Variants in MED13L observed in about 807,000 individuals in gnomAD.
The protein encoded by MED13L is mediator of RNA polymerase II transcription subunit 13-like.
Under a neutral mutation model 220.9 loss-of-function variants are expected in MED13L, and 7 were observed. That is an observed-to-expected ratio of 0.03 (90% CI 0.02 to 0.06). The LOEUF (loss-of-function observed/expected upper bound fraction) is 0.06, where lower values mean the gene tolerates loss of function less well. Among genes scored for constraint, MED13L ranks in the 10% least tolerant of loss-of-function variants. The pLI is 1.00. For missense variants in MED13L, 1,965 were observed against 2,760.5 expected, an observed-to-expected ratio of 0.71 and a Z score of 6.46; for synonymous variants, 1,011 against 1,015.2, an observed-to-expected ratio of 1.00 and a Z score of 0.08.
At chr12:116,092,155 GCAC>G (rs1212935807) in intron 4 of MED13L, among the ~76,000 whole-genome samples, 2 of 152,250 alleles carry the variant, frequency 1.3e-5, no homozygotes, top group African/African-American at 4.8e-5. Flanking sequence ...TAACAGATAG[GCAC>G]CACATGTGCA....
chr12:116,273,647 G>A (rs1251338740), intron 1 of MED13L, among the ~76,000 whole-genome samples: 4 of 152,132 alleles, frequency 2.6e-5, no homozygotes, highest in Non-Finnish European at 5.9e-5. Context: ...GTACTAATGG[G>A]TGTACTAGTG....
intron 1 of MED13L, among the ~76,000 whole-genome samples, chr12:116,261,302 C>T (rs1872496675): frequency 6.6e-6 from 1 of 152,096 alleles, no homozygotes. Flanking sequence ...TCAAGACCAG[C>T]ATGGGCAACA....
At chr12:116,131,714 C>T (rs1248452236) in intron 2 of MED13L, among the ~76,000 whole-genome samples, 1 of 152,218 alleles carries the variant, frequency 6.6e-6, no homozygotes, top group East Asian at 1.9e-4. Flanking sequence ...CAAGGCTGGG[C>T]ACACCTGTAA....
At chr12:116,047,371 G>C (rs547680142) in intron 4 of MED13L, among the ~76,000 whole-genome samples, 1 of 152,140 alleles carries the variant, frequency 6.6e-6, no homozygotes, top group East Asian at 1.9e-4. Context: ...AAATAAACAA[G>C]AAATAAAGAC....
intron 2 of MED13L, among the ~76,000 whole-genome samples, chr12:116,152,839 T>C (rs1018648895): frequency 5.9e-5 from 9 of 152,168 alleles, no homozygotes; most frequent in Admixed American, 1.3e-4. Context: ...TATTATAAAA[T>C]ATTAACTAGT....
At position 115,984,113 on chromosome 12, in the gene MED13L, G is replaced by C. The variant is rs1328526827; in HGVS notation, c.4531+67C>G. On this transcript the variant is annotated intron_variant, in intron 20 of 30. Coordinates refer to ENST00000281928, the MANE Select transcript of MED13L (RefSeq NM_015335.5). ...GAAATATAATGTTGCATCTATAAAA[G>C]AAGGGATGGGACGGATTTGCTATTT... 4.0e-6 allele frequency: 6 copies of C among 1,493,334 alleles called. No homozygotes were observed. In the Admixed American group the frequency reaches 1.1e-4, roughly 26 times the overall value. 92.5% of individuals were successfully genotyped at this position (1,493,334 alleles called of 1,614,324 possible).
At chr12:116,157,405 C>G (rs1878521234) in intron 2 of MED13L, among the ~76,000 whole-genome samples, 2 of 152,132 alleles carry the variant, frequency 1.3e-5, no homozygotes, top group Admixed American at 1.3e-4. Flanking sequence ...TACTATGTAT[C>G]TGAAAAACAG....
At chr12:116,006,726 G>C in intron 11 of MED13L, 1 of 410,658 alleles carries the variant, frequency 2.4e-6, no homozygotes, top group Non-Finnish European at 4.5e-6. Context: ...CAACATTTTA[G>C]ATGCTAAATT....
At chr12:116,084,637 T>C (rs962052495) in intron 4 of MED13L, among the ~76,000 whole-genome samples, 1 of 152,072 alleles carries the variant, frequency 6.6e-6, no homozygotes, top group African/African-American at 2.4e-5. Flanking sequence ...ATACAAAAAT[T>C]AGCCGGGCGT....
chr12:115,985,944 T>G (rs1370809828), intron 19 of MED13L, among the ~76,000 whole-genome samples: 1 of 152,206 alleles, frequency 6.6e-6, no homozygotes, highest in Non-Finnish European at 1.5e-5. Context: ...AAAGCTCATC[T>G]TCTACATAGC....
At chr12:116,016,856 A>G (rs1182121234) in intron 7 of MED13L, among the ~76,000 whole-genome samples, 1 of 152,228 alleles carries the variant, frequency 6.6e-6, no homozygotes, top group Non-Finnish European at 1.5e-5. Flanking sequence ...GGTATGAGTA[A>G]TGTCACTAAT....
chr12:116,090,903 T>C (rs1013556631), intron 4 of MED13L, among the ~76,000 whole-genome samples: 2 of 152,012 alleles, frequency 1.3e-5, no homozygotes, highest in Non-Finnish European at 2.9e-5. Context: ...GGCAGGTGGA[T>C]CACGTGAGGT....
chr12:116,000,821 G>A (rs1294316824), intron 14 of MED13L, among the ~76,000 whole-genome samples: 1 of 152,084 alleles, frequency 6.6e-6, no homozygotes. Context: ...TGAATAATGA[G>A]GAACCTATGC....
At chr12:116,156,417 A>C (rs1348570812) in intron 2 of MED13L, among the ~76,000 whole-genome samples, 2 of 151,770 alleles carry the variant, frequency 1.3e-5, no homozygotes, top group South Asian at 2.1e-4. Flanking sequence ...AAAAAAAAAA[A>C]AAAAAACTTT....
At chr12:116,009,707 G>C (rs1388273095) in intron 9 of MED13L, among the ~76,000 whole-genome samples, 2 of 152,160 alleles carry the variant, frequency 1.3e-5, no homozygotes, top group Non-Finnish European at 2.9e-5. Flanking sequence ...TAGGCAAGAA[G>C]GGATAAAAGA....
chr12:116,267,594 C>T (rs868275846), intron 1 of MED13L, among the ~76,000 whole-genome samples: 1 of 152,196 alleles, frequency 6.6e-6, no homozygotes, highest in Non-Finnish European at 1.5e-5. Context: ...AACTGAGGCA[C>T]AGAACTATTA....
chr12:116,124,122 A>AGAGAGAGAGAGAGAG (rs1565888715), intron 2 of MED13L, among the ~76,000 whole-genome samples: 4 of 91,312 alleles, frequency 4.4e-5, no homozygotes, highest in Admixed American at 1.3e-4. Context: ...AGAGAGAAAG[A>AGAGAGAGAGAGAGAG]CGAGAGAGAG....
intron 2 of MED13L, among the ~76,000 whole-genome samples, chr12:116,230,131 T>C (rs1240488278): frequency 6.6e-6 from 1 of 152,104 alleles, no homozygotes; most frequent in Non-Finnish European, 1.5e-5. Flanking sequence ...TAGCTGGGCG[T>C]GGTGGCTCAC....
chr12:116,243,547 C>G (rs1870833923), intron 1 of MED13L, among the ~76,000 whole-genome samples: 1 of 152,006 alleles, frequency 6.6e-6, no homozygotes. Context: ...TATATTGATT[C>G]CTAGTGTCCT....
Sources: allele counts gnomAD v4.1 joint callset (sites outside exome capture counted in the v4.1 genomes callset), GRCh38; gene constraint gnomAD v4.1.1; transcripts MANE v1.5; gene names NCBI Gene and HGNC (gene_info 2026-07-23, HGNC 2026-07-21).